The following MTHFD1L variants were observed in gnomAD, a reference collection of about 807,000 sequenced individuals.
MTHFD1L encodes the protein methylenetetrahydrofolate dehydrogenase (NADP+ dependent) 1 like, also known as monofunctional C1-tetrahydrofolate synthase, mitochondrial.
A neutral mutation model predicts 119.5 loss-of-function variants in MTHFD1L; 81 were observed. The observed-to-expected ratio is 0.68, with a 90% confidence interval of 0.57 to 0.82. The LOEUF is 0.82. MTHFD1L is among the 40% of genes least tolerant of loss of function. The probability of loss-of-function intolerance (pLI) is 0.00; values close to 1 mark genes in which losing one functional copy is unlikely to be tolerated. For missense variants in MTHFD1L, 1,125 were observed against 1,253.4 expected (o/e 0.90, Z 1.55); for synonymous variants, 430 against 475.2 (o/e 0.90, Z 1.24).
chr6:151,049,475 C>T (rs1363303197), intron 26 of MTHFD1L, among the ~76,000 whole-genome samples: 4 of 129,868 alleles, frequency 3.1e-5, no homozygotes, highest in African/African-American at 8.8e-5. Flanking sequence ...CTGGGCAAGA[C>T]AGCGAGACTC....
chr6:150,984,062 C>T (rs113789799), intron 20 of MTHFD1L, among the ~76,000 whole-genome samples: 1 of 152,168 alleles, frequency 6.6e-6, no homozygotes, highest in African/African-American at 2.4e-5. Context: ...TGAACCACTG[C>T]GCCCATCCAA....
At chr6:150,935,019 T>G in intron 11 of MTHFD1L, 3 of 1,611,296 alleles carry the variant, frequency 1.9e-6, no homozygotes, top group Non-Finnish European at 2.5e-6. Context: ...CCTGCCTTCA[T>G]TCAGTCCTTC....
Position 151,022,461 on chromosome 6 carries a change from G to T in MTHFD1L, c.2586+6768G>T, listed in dbSNP as rs537405022. 2.6e-3 allele frequency: 442 copies of T among 167,884 alleles called. 1 individual carries two copies. The highest frequency in any genetic ancestry group is 6.0e-3 in the Middle Eastern group (2 of 332). The allele number at this position is 167,884 out of a possible 1,614,324, so 10.4% of individuals were successfully genotyped here. On this transcript the variant is annotated intron_variant, in intron 24 of 27. Coordinates refer to ENST00000367321, the MANE Select transcript of MTHFD1L (RefSeq NM_015440.5). The stretch of plus-strand genomic sequence containing the variant: ...TTAATCGCTTTTACATGTATAGTCT[G>T]TGGCATTAAGTACATTCACATTGTA...
At chr6:150,894,355 GGAGA>G (rs1182708272) in intron 7 of MTHFD1L, among the ~76,000 whole-genome samples, 1 of 152,174 alleles carries the variant, frequency 6.6e-6, no homozygotes, top group Non-Finnish European at 1.5e-5. Flanking sequence ...GGTGGGGGAA[GGAGA>G]GAGTGTCTCC....
chr6:150,866,381 C>A (rs888377541), intron 1 of MTHFD1L: 8 of 1,402,948 alleles, frequency 5.7e-6, no homozygotes, highest in Admixed American at 6.4e-5. Flanking sequence ...CGGGCGCGAC[C>A]CAGACGGTAA....
rs1788408350 is a variant in MTHFD1L, at chr6:150,918,671, T to C, written c.984+3T>C. ...TTGCTGCAGCTCTGCGAATTCAGGT[T>C]TGTTCAACATAGCTGTCTGAGAATC... On this transcript the variant is annotated splice_donor_region_variant and intron_variant, in intron 9 of 27. Transcript: ENST00000367321. The C allele has an allele frequency of 6.2e-7, 1 of 1,610,570 alleles. No homozygotes were observed. Among genetic ancestry groups the C allele is most frequent in the African/African-American group, 1.3e-5 (1 of 74,868 alleles).
At chr6:150,899,914 C>T (rs1784841749) in intron 7 of MTHFD1L, among the ~76,000 whole-genome samples, 2 of 150,920 alleles carry the variant, frequency 1.3e-5, no homozygotes, top group African/African-American at 2.4e-5. Flanking sequence ...GAGGTTGCAG[C>T]GAGCTGAGAT....
intron 17 of MTHFD1L, among the ~76,000 whole-genome samples, chr6:150,957,965 T>C (rs561499129): frequency 6.6e-6 from 1 of 152,310 alleles, no homozygotes; most frequent in Non-Finnish European, 1.5e-5. Context: ...AGTTTTTTAC[T>C]GTTTAGGTAC....
chr6:151,073,793 G>A (rs909166474), intron 26 of MTHFD1L, among the ~76,000 whole-genome samples: 2 of 152,020 alleles, frequency 1.3e-5, no homozygotes, highest in Non-Finnish European at 2.9e-5. Flanking sequence ...AACAGAAAAA[G>A]GCTGAAAAGA....
intron 26 of MTHFD1L, among the ~76,000 whole-genome samples, chr6:151,068,967 A>G (rs1011727243): frequency 6.6e-6 from 1 of 152,182 alleles, no homozygotes; most frequent in African/African-American, 2.4e-5. Context: ...TCTGTAGACT[A>G]GTGCCAGTTT....
intron 8 of MTHFD1L, among the ~76,000 whole-genome samples, chr6:150,909,838 G>A (rs112287501): frequency 0.016 from 2,464 of 152,248 alleles, 61 homozygotes; most frequent in African/African-American, 0.055. Context: ...TGGGGGTCCC[G>A]AGGGACCTTG....
At chr6:151,083,017 G>A (rs1793358615) in intron 26 of MTHFD1L, among the ~76,000 whole-genome samples, 1 of 152,058 alleles carries the variant, frequency 6.6e-6, no homozygotes, top group Non-Finnish European at 1.5e-5. Flanking sequence ...ATGGGCTCAG[G>A]GAAACTCACA....
intron 26 of MTHFD1L, among the ~76,000 whole-genome samples, chr6:151,082,449 A>G (rs1175964660): frequency 6.6e-6 from 1 of 152,220 alleles, no homozygotes; most frequent in African/African-American, 2.4e-5. Flanking sequence ...TTAACATTTG[A>G]TTGCCATAAA....
At chr6:151,060,040 T>C (rs900545004) in intron 26 of MTHFD1L, among the ~76,000 whole-genome samples, 9 of 152,170 alleles carry the variant, frequency 5.9e-5, no homozygotes, top group African/African-American at 2.2e-4. Flanking sequence ...GCACTGCATT[T>C]GTGGGAAGCA....
chr6:150,970,601 T>A (rs1046385142), intron 19 of MTHFD1L, among the ~76,000 whole-genome samples: 21 of 152,220 alleles, frequency 1.4e-4, no homozygotes, highest in African/African-American at 5.1e-4. Context: ...TCTTATGAAA[T>A]GTTTGAAAGG....
intron 27 of MTHFD1L, 101 bp from the exon 28 acceptor site, chr6:151,101,425 T>C (rs1795361159): frequency 6.6e-6 from 1 of 152,162 alleles, no homozygotes; most frequent in Non-Finnish European, 1.5e-5. Flanking sequence ...GAATTTTCTT[T>C]TGGCCTCAAA....
chr6:150,968,019 C>A (rs1161560812), intron 19 of MTHFD1L, among the ~76,000 whole-genome samples: 1 of 152,028 alleles, frequency 6.6e-6, no homozygotes, highest in African/African-American at 2.4e-5. Flanking sequence ...GACCTTTGCA[C>A]GGCTAACACC....
chr6:151,049,686 C>T (rs1476619164), intron 26 of MTHFD1L, among the ~76,000 whole-genome samples: 1 of 150,728 alleles, frequency 6.6e-6, no homozygotes, highest in East Asian at 1.9e-4. Context: ...AAAATGGGTT[C>T]GCATGAGCCC....
chr6:151,081,599 G>A (rs1793187703), intron 26 of MTHFD1L, among the ~76,000 whole-genome samples: 1 of 152,136 alleles, frequency 6.6e-6, no homozygotes, highest in African/African-American at 2.4e-5. Flanking sequence ...TTGAACCTGG[G>A]AGGCAGAGGT....
Sources: gnomAD v4.1 joint callset for allele counts (sites outside exome capture counted in the v4.1 genomes callset) on GRCh38, gnomAD v4.1.1 for gene constraint, MANE v1.5 for transcripts, NCBI Gene and HGNC (gene_info 2026-07-23, HGNC 2026-07-21) for gene names.